PLEKHG4B: variants seen among roughly 807,000 people sequenced by gnomAD.
PLEKHG4B encodes the protein pleckstrin homology domain-containing family G member 4B.
In PLEKHG4B, 111 loss-of-function variants were observed where a neutral mutation model predicts 121.3. The ratio of observed to expected loss-of-function variants is 0.92; its 90% CI spans 0.78 to 1.07. The LOEUF is 1.07. PLEKHG4B is among the 50% of genes least tolerant of loss of function. The pLI, the probability that PLEKHG4B is intolerant of heterozygous loss-of-function variation, is 0.00. For missense variants in PLEKHG4B, 1,831 were observed against 1,757.8 expected, an observed-to-expected ratio of 1.04 and a Z score of -0.74; for synonymous variants, 738 against 725.0, an observed-to-expected ratio of 1.02 and a Z score of -0.29.
At position 154,911 on chromosome 5, in the gene PLEKHG4B, T is replaced by G. The variant is rs768202441; in HGVS notation, c.2029T>G (p.Phe677Val). Residue 677 changes from phenylalanine (F) to valine (V), a missense_variant, in exon 8 of 20, where the codon TTT (phenylalanine) becomes GTT (valine). By Grantham distance (50) the Phe-to-Val change is conservative. Coordinates refer to ENST00000637938, the MANE Select transcript of PLEKHG4B (RefSeq NM_052909.5). ...GAGCTCCCTGAAGGCCGTGCACAAA[T>G]TTGTTGACAGCTGCCAGCTGACCGC... ...VVSSLKAVHK[F>V]VDSCQLTADL... 17 of 1,613,782 alleles carry G rather than the reference T, an allele frequency of 1.1e-5. No homozygotes were observed. The East Asian group carries it at 3.3e-4, about 32-fold the overall frequency.
rs979964225 is a variant in PLEKHG4B, at chr5:185,864, C to G, written c.*3541C>G. On this transcript the variant is annotated 3_prime_UTR_variant, in exon 20 of 20. Coordinates refer to ENST00000637938, the MANE Select transcript of PLEKHG4B (RefSeq NM_052909.5). ...AAGCCTCCAGTCAAAAGATGGGTCT[C>G]TCTCTCCTGATAGCATGGAGCCTGG... 1 of 152,312 alleles carries G rather than the reference C, an allele frequency of 6.6e-6. No individual in the cohort carries two copies. Among genetic ancestry groups the G allele is most frequent in the Non-Finnish European group, 1.5e-5 (1 of 68,092 alleles). The allele number at this position is 152,312 out of a possible 1,614,324, so 9.4% of individuals were successfully genotyped here.
rs11952998 is a variant in PLEKHG4B, at chr5:121,830, G to A, written c.243+8382G>A. 1.9e-3 allele frequency among the ~76,000 whole-genome samples: 288 copies of A among 152,074 alleles called. 1 individual carries two copies. The highest frequency in any genetic ancestry group is 6.7e-3 in the African/African-American group (277 of 41,482). On this transcript the variant is annotated intron_variant, in intron 2 of 19. Coordinates refer to ENST00000637938, the MANE Select transcript of PLEKHG4B (RefSeq NM_052909.5). ...AGGTTAATAAAAGAGTAGACCAGCA[G>A]AGGTGAATAAAAGAAATGCCAAAGG...
intron 13 of PLEKHG4B, 31 bp downstream of exon 13, chr5:163,579 A>G (rs369588787): frequency 6.7e-7 from 1 of 1,499,910 alleles, no homozygotes; most frequent in Non-Finnish European, 8.9e-7. Flanking sequence ...CTCTCGTCCT[A>G]GCAGTCCTTG....
chr5:181,822 C>T lies in PLEKHG4B; in HGVS notation c.4564+147C>T, dbSNP rs995849259. ...GTCAAGGACACGGGTACGGTGGCCT[C>T]GGCCCCGCCCTCACTCATCCTGCAG... On this transcript the variant is annotated intron_variant, in intron 19 of 19. Coordinates refer to ENST00000637938, the MANE Select transcript of PLEKHG4B (RefSeq NM_052909.5). The T allele has an allele frequency of 2.4e-5, 32 of 1,316,674 alleles. No individual in the cohort carries two copies. In the South Asian group the frequency reaches 3.1e-4, roughly 13 times the overall value. 81.6% of individuals were successfully genotyped at this position (1,316,674 alleles called of 1,614,324 possible).
At chr5:172,266 G>C (rs1377292996) in intron 16 of PLEKHG4B, among the ~76,000 whole-genome samples, 1 of 152,222 alleles carries the variant, frequency 6.6e-6, no homozygotes, top group Non-Finnish European at 1.5e-5. Context: ...GGGCGTCCAT[G>C]GGATGGAGGT....
In PLEKHG4B at chr5:188,610, G is replaced by A. The variant is rs55986801; in HGVS notation, c.*6287G>A. Reference sequence around the variant, plus strand: ...GCTACGAGACAGACGCTCTTGTTCCGGATCAGAGCAGCAGACAGAACCGGC... The same window carrying A: ...GCTACGAGACAGACGCTCTTGTTCCAGATCAGAGCAGCAGACAGAACCGGC... On this transcript the variant is annotated 3_prime_UTR_variant, in exon 20 of 20. Transcript: ENST00000637938. 0.027 allele frequency: 4,156 copies of A among 152,380 alleles called. 97 individuals are homozygous for A. Among genetic ancestry groups the A allele is most frequent in the Middle Eastern group, 0.058 (17 of 294 alleles). The allele number at this position is 152,380 out of a possible 1,614,324, so 9.4% of individuals were successfully genotyped here.
chr5:161,351 G>A (rs978241498), intron 11 of PLEKHG4B, among the ~76,000 whole-genome samples: 1 of 152,222 alleles, frequency 6.6e-6, no homozygotes, highest in Non-Finnish European at 1.5e-5. Flanking sequence ...ATTGTTCAAT[G>A]ATTTTAATGT....
In PLEKHG4B at chr5:169,494, T is replaced by G; in HGVS notation, c.3631T>G (p.Leu1211Val). 1 of 1,614,212 alleles carries G rather than the reference T, an allele frequency of 6.2e-7. No individual in the cohort carries two copies. Among genetic ancestry groups the G allele is most frequent in the East Asian group, 2.2e-5 (1 of 44,888 alleles). The change falls in exon 14 of 20, where the codon TTG (leucine) becomes GTG (valine). Residue 1211 changes from leucine (L) to valine (V), a missense_variant. Transcript: ENST00000637938. ...GAAGCACCACGTTATTTTCGGCAAC[T>G]TGGAGAAGCTCCACGACTTCCACCA... The part of the protein sequence containing the change: ...RGKHHVIFGN[L>V]EKLHDFHQQH...
In PLEKHG4B at chr5:101,186, G is replaced by GA. The variant is rs559594898; in HGVS notation, c.45+8915dup. Among the ~76,000 whole-genome samples the GA allele has an allele frequency of 1.4e-4, 18 of 125,144 alleles. No individual in the cohort carries two copies. In the South Asian group the frequency reaches 3.9e-3, roughly 27 times the overall value. 82.1% of individuals were successfully genotyped at this position (125,144 alleles called of 152,430 possible). On this transcript the variant is annotated intron_variant, in intron 1 of 19. Coordinates refer to ENST00000637938, the MANE Select transcript of PLEKHG4B (RefSeq NM_052909.5). ...TGAGGTTAATCCATATAAAGCTCTG[G>GA]AAAAAGTCTGTAGGGGAGAGACTGT...
intron 13 of PLEKHG4B, among the ~76,000 whole-genome samples, chr5:164,782 T>G (rs1220157678): frequency 8.9e-6 from 1 of 112,706 alleles, no homozygotes; most frequent in Non-Finnish European, 1.8e-5. Flanking sequence ...GAGCTCACAC[T>G]AATGCTCTGA....
intron 11 of PLEKHG4B, among the ~76,000 whole-genome samples, chr5:161,140 G>T (rs1735986497): frequency 6.6e-6 from 1 of 152,222 alleles, no homozygotes; most frequent in African/African-American, 2.4e-5. Context: ...ACTGAATCCA[G>T]CAGTAAATGC....
chr5:156,959 C>T lies in PLEKHG4B; in HGVS notation c.2487+48C>T, dbSNP rs764031046. On this transcript the variant is annotated intron_variant, in intron 11 of 19. Coordinates refer to ENST00000637938, the MANE Select transcript of PLEKHG4B (RefSeq NM_052909.5). This position sits in a 1 kb window ranked among gnomAD's most constrained non-coding sequence, Gnocchi z 4.4. ...GGCCCGGTCAGCATCCCCTCCAGGC[C>T]AGGCTGGCCAAGGCAACCCTCTCAC... 3 of 1,599,744 alleles carry T rather than the reference C, an allele frequency of 1.9e-6. No individual in the cohort carries two copies. The highest frequency in any genetic ancestry group is 2.6e-6 in the Non-Finnish European group (3 of 1,173,826).
chr5:166,880 T>G (rs1736371355), intron 13 of PLEKHG4B, among the ~76,000 whole-genome samples: 1 of 152,228 alleles, frequency 6.6e-6, no homozygotes, highest in Non-Finnish European at 1.5e-5. Flanking sequence ...TTCTGGTTTT[T>G]ACCATTGGTG....
rs376479145 is a variant in PLEKHG4B at position 163,311 on chromosome 5, T to A, written c.3239T>A (p.Ile1080Lys). The change falls in exon 13 of 20, where the codon ATA becomes AAA. Residue 1080 changes from isoleucine to lysine, a missense_variant. By Grantham distance (102) the Ile-to-Lys change is moderately radical (BLOSUM62 -3). Transcript: ENST00000637938. Reference protein sequence around the residue: ...RPRKHPQKKMIKKTQSFEIPQ... With the variant: ...RPRKHPQKKMKKKTQSFEIPQ... ...AGGAAACATCCCCAGAAGAAAATGA[T>A]AAAGAAAACGCAAAGTTTCGAGATA... 1.2e-6 allele frequency: 2 copies of A among 1,613,190 alleles called. No homozygotes were observed. The highest frequency in any genetic ancestry group is 1.7e-6 in the Non-Finnish European group (2 of 1,180,002).
chr5:127,340 T>TTTTTTATTATTATTATTATTA (rs146821461), intron 2 of PLEKHG4B, among the ~76,000 whole-genome samples: 24 of 135,566 alleles, frequency 1.8e-4, no homozygotes, highest in Admixed American at 3.0e-4. Flanking sequence ...ATTGTTGGTT[T>TTTTTTATTATTATTATTATTA]TTATTATTAT....
intron 3 of PLEKHG4B, 110 bp from the exon 4 acceptor site, chr5:142,937 T>G: frequency 3.8e-6 from 4 of 1,048,636 alleles, no homozygotes; most frequent in Non-Finnish European, 5.8e-6. Flanking sequence ...CGGAACCCCC[T>G]ACTTTCATGC....
At chr5:175,946 T>C (rs540149798) in intron 18 of PLEKHG4B, among the ~76,000 whole-genome samples, 1 of 69,866 alleles carries the variant, frequency 1.4e-5, no homozygotes, top group African/African-American at 7.9e-5. Flanking sequence ...CCTGCACGGC[T>C]GCACCCCGCC....
chr5:118,919 T>C (rs1432867072), intron 2 of PLEKHG4B, among the ~76,000 whole-genome samples: 1 of 151,800 alleles, frequency 6.6e-6, no homozygotes, highest in Non-Finnish European at 1.5e-5. Context: ...GGTGCGATCA[T>C]GGCTCACTAC....
At chr5:109,575 G>A (rs572968818) in intron 1 of PLEKHG4B, among the ~76,000 whole-genome samples, 26 of 152,318 alleles carry the variant, frequency 1.7e-4, no homozygotes, top group African/African-American at 6.3e-4. Context: ...GCTGGGCTGG[G>A]CTGGGCTGTG....
Sources: allele counts gnomAD v4.1 joint callset (sites outside exome capture counted in the v4.1 genomes callset), GRCh38; gene constraint gnomAD v4.1.1; non-coding constraint Gnocchi (gnomAD v3.1); transcripts MANE v1.5; gene names NCBI Gene and HGNC (gene_info 2026-07-23, HGNC 2026-07-21).